Variants in RAB5IF observed in about 807,000 individuals in gnomAD.
RAB5IF encodes GEL complex subunit OPTI.
Under a neutral mutation model 20.3 loss-of-function variants are expected in RAB5IF, and 15 were observed. The observed-to-expected ratio is 0.74, with a 90% CI of 0.50 to 1.14. The LOEUF is 1.14. Ranked by LOEUF, RAB5IF falls within the 50% of genes most tolerant of loss-of-function variation. The pLI is 0.00. For synonymous variants in RAB5IF, 67 were observed against 63.7 expected (o/e 1.05, Z -0.25); for missense variants, 148 against 159.5 (o/e 0.93, Z 0.39).
intron 2 of RAB5IF, among the ~76,000 whole-genome samples, chr20:36,608,649 T>C (rs2038991407): frequency 6.8e-6 from 1 of 146,528 alleles, no homozygotes; most frequent in South Asian, 2.3e-4. Context: ...CTGCAACCTC[T>C]ACCTCTCAGG....
intron 2 of RAB5IF, chr20:36,608,061 TA>T (rs1331235757): frequency 1.0e-6 from 1 of 986,822 alleles, no homozygotes; most frequent in Non-Finnish European, 1.4e-6. Flanking sequence ...TTCATGGGTC[TA>T]AAGTGACCTC....
Position 36,605,859 on chromosome 20 carries a change from G to A in RAB5IF, c.-93G>A, listed in dbSNP as rs1600797048. 3.6e-5 allele frequency: 23 copies of A among 646,384 alleles called. No individual in the cohort carries two copies. The South Asian group carries it at 6.8e-4, about 19-fold the overall frequency. 40.0% of individuals were successfully genotyped at this position (646,384 alleles called of 1,614,324 possible). On this transcript the variant is annotated 5_prime_UTR_variant, in exon 1 of 4. Coordinates refer to ENST00000344795, the MANE Select transcript of RAB5IF (RefSeq NM_018840.5). ...GCAGGACCGGGCCGCTGAGCCTGCA[G>A]CCGCCCCGCGCCGTGACCTGCGACC... is the stretch of plus-strand genomic sequence containing the variant.
At chr20:36,611,868 A>G in intron 3 of RAB5IF, 142 bp from the exon 4 acceptor site, 1 of 1,099,782 alleles carries the variant, frequency 9.1e-7, no homozygotes, top group Non-Finnish European at 1.3e-6. Context: ...CAGTGAAATA[A>G]TTTAGACCCC....
At chr20:36,609,189 A>ACC (rs1568595404) in intron 2 of RAB5IF, among the ~76,000 whole-genome samples, 1 of 51,962 alleles carries the variant, frequency 1.9e-5, no homozygotes, top group Non-Finnish European at 3.7e-5. Context: ...ACACACACAC[A>ACC]CACACGCACA....
At chr20:36,609,156 T>TACATACATACACATACACACAC in intron 2 of RAB5IF, among the ~76,000 whole-genome samples, 3 of 17,064 alleles carry the variant, frequency 1.8e-4, no homozygotes, top group African/African-American at 4.9e-4. Context: ...AGAACTATAT[T>TACATACATACACATACACACAC]ACACACACAC....
intron 2 of RAB5IF, 91 bp from the exon 3 acceptor site, chr20:36,609,510 G>T (rs1251219662): frequency 1.3e-6 from 2 of 1,495,530 alleles, no homozygotes; most frequent in Non-Finnish European, 1.8e-6. Flanking sequence ...AAAGTGCTGG[G>T]ATTACAGGTG....
chr20:36,609,978 G>A (rs1200646680), intron 3 of RAB5IF, among the ~76,000 whole-genome samples: 1 of 152,128 alleles, frequency 6.6e-6, no homozygotes, highest in Non-Finnish European at 1.5e-5. Flanking sequence ...TCTCAAGCCT[G>A]GCTAGATATT....
At chr20:36,606,184 C>A in intron 1 of RAB5IF, 119 bp downstream of exon 1, 1 of 594,706 alleles carries the variant, frequency 1.7e-6, no homozygotes, top group Non-Finnish European at 2.7e-6. Flanking sequence ...GGCAGTGGGG[C>A]GGGTGGCCCA....
chr20:36,609,922 C>T (rs993292572), intron 3 of RAB5IF, 192 bp downstream of exon 3: 48 of 846,350 alleles, frequency 5.7e-5, no homozygotes, highest in Non-Finnish European at 8.1e-5. Flanking sequence ...GTACAGTCCC[C>T]TGTAATGTGT....
intron 3 of RAB5IF, among the ~76,000 whole-genome samples, chr20:36,610,022 C>T (rs2039070023): frequency 6.6e-6 from 1 of 152,226 alleles, no homozygotes; most frequent in Non-Finnish European, 1.5e-5. Context: ...GTGGCTCACG[C>T]CTGTAATCCC....
At chr20:36,609,233 A>C (rs1365611679) in intron 2 of RAB5IF, among the ~76,000 whole-genome samples, 4 of 127,056 alleles carry the variant, frequency 3.1e-5, no homozygotes, top group South Asian at 2.5e-4. Flanking sequence ...ACACACACAC[A>C]CACACACACA....
chr20:36,609,219 G>GACA (rs1555790828), intron 2 of RAB5IF, among the ~76,000 whole-genome samples: 1 of 42,774 alleles, frequency 2.3e-5, no homozygotes, highest in Non-Finnish European at 4.4e-5. Context: ...ACGCACACAC[G>GACA]CACACACACA....
At position 36,609,273 on chromosome 20, in the gene RAB5IF, C is replaced by T. The variant is rs552533090; in HGVS notation, c.219-328C>T. Among the ~76,000 whole-genome samples, 28 of 146,710 alleles carry T rather than the reference C, an allele frequency of 1.9e-4. 2 individuals carry two copies. The East Asian group carries it at 6.0e-3, about 31-fold the overall frequency. On this transcript the variant is annotated intron_variant, in intron 2 of 3. Coordinates refer to ENST00000344795, the MANE Select transcript of RAB5IF (RefSeq NM_018840.5). ...CACACACACTATATATAGAGTTTCGCTGTTGCCCAGGCTGTAGTGCAGTGG... is the reference window on the plus strand; with the variant it reads ...CACACACACTATATATAGAGTTTCGTTGTTGCCCAGGCTGTAGTGCAGTGG...
At chr20:36,610,233 A>C (rs1227880930) in intron 3 of RAB5IF, among the ~76,000 whole-genome samples, 2 of 151,926 alleles carry the variant, frequency 1.3e-5, no homozygotes. Flanking sequence ...GCAGTGAGCC[A>C]AGATCGCGCC....
At chr20:36,609,156 T>TACATACATACATACATACATATACAC in intron 2 of RAB5IF, among the ~76,000 whole-genome samples, 1 of 17,052 alleles carries the variant, frequency 5.9e-5, no homozygotes, top group Non-Finnish European at 1.1e-4. Flanking sequence ...AGAACTATAT[T>TACATACATACATACATACATATACAC]ACACACACAC....
In RAB5IF at chr20:36,609,199, A is replaced by G. The variant is rs1212375337; in HGVS notation, c.219-402A>G. Among the ~76,000 whole-genome samples, 57 of 56,226 alleles carry G rather than the reference A, an allele frequency of 1.0e-3. 8 individuals carry two copies. The highest frequency in any genetic ancestry group is 0.014 in the Middle Eastern group (2 of 138). 36.9% of individuals were successfully genotyped at this position (56,226 alleles called of 152,430 possible). On this transcript the variant is annotated intron_variant, in intron 2 of 3. Coordinates refer to ENST00000344795, the MANE Select transcript of RAB5IF (RefSeq NM_018840.5). ...CACACACACACACACACACACGCAC[A>G]CACGCACACACGCACACACGCACAC... is the stretch of plus-strand genomic sequence containing the variant.
chr20:36,608,325 GCCTCGACCT>G (rs1410563291), intron 2 of RAB5IF: 3 of 177,030 alleles, frequency 1.7e-5, no homozygotes, highest in Non-Finnish European at 3.7e-5. Flanking sequence ...GCTGACTGCA[GCCTCGACCT>G]CCTGGACTCA....
rs746918728 is a variant in RAB5IF, at chr20:36,606,111, G to A, written c.114+46G>A. The A allele has an allele frequency of 4.2e-6, 5 of 1,184,770 alleles. No homozygotes were observed. The Admixed American group carries it at 1.4e-4, about 34-fold the overall frequency. The allele number at this position is 1,184,770 out of a possible 1,614,324, so 73.4% of individuals were successfully genotyped here. A position where few individuals can be genotyped will look rare whatever the true frequency, so the allele number is the denominator to read the frequency against. On this transcript the variant is annotated intron_variant, in intron 1 of 3. Coordinates refer to ENST00000344795, the MANE Select transcript of RAB5IF (RefSeq NM_018840.5). The stretch of plus-strand genomic sequence containing the variant: ...GGCGCGGGTGCGAGGAGTCGGCTGG[G>A]ACTCGGGGAACGGAAGACTGGCGCG...
At position 36,612,248 on chromosome 20, in the gene RAB5IF, T is replaced by G. The variant is rs754480155; in HGVS notation, c.*197T>G. 6.2e-7 allele frequency: 1 copy of G among 1,605,236 alleles called. No individual in the cohort carries two copies. Among genetic ancestry groups the G allele is most frequent in the Non-Finnish European group, 8.5e-7 (1 of 1,171,964 alleles). On this transcript the variant is annotated 3_prime_UTR_variant, in exon 4 of 4. Coordinates refer to ENST00000344795, the MANE Select transcript of RAB5IF (RefSeq NM_018840.5). ...AAACTTTTTAAAAACCACCCACCTTTGGGGAAGCATTTCTGAATTTATCCA... is the reference window on the plus strand; with the variant it reads ...AAACTTTTTAAAAACCACCCACCTTGGGGGAAGCATTTCTGAATTTATCCA...
Sources: allele counts gnomAD v4.1 joint callset (sites outside exome capture counted in the v4.1 genomes callset), GRCh38; gene constraint gnomAD v4.1.1; transcripts MANE v1.5; gene names NCBI Gene and HGNC (gene_info 2026-07-23, HGNC 2026-07-21).